Variants in PCDHA6 observed in about 807,000 individuals in gnomAD.
PCDHA6 encodes protocadherin alpha 6, also known as protocadherin alpha-6.
In PCDHA6, 55 loss-of-function variants were observed where a neutral mutation model predicts 60.3. The ratio of observed to expected loss-of-function variants is 0.91; its 90% CI spans 0.73 to 1.14. The LOEUF (loss-of-function observed/expected upper bound fraction) is 1.14. Among genes scored for constraint, PCDHA6 ranks in the 50% most tolerant of loss-of-function variants. The pLI is 0.00. For missense variants in PCDHA6, 1,327 were observed against 1,256.5 expected (o/e 1.06, Z -0.85); for synonymous variants, 652 against 557.9 (o/e 1.17, Z -2.38).
chr5:141,000,887 AAC>A (rs1554257872), intron 3 of PCDHA6, among the ~76,000 whole-genome samples: 4 of 152,188 alleles, frequency 2.6e-5, no homozygotes. Context: ...CAACCTGGGC[AAC>A]AGATATAGAC....
intron 3 of PCDHA6, 128 bp downstream of exon 3, chr5:140,982,691 C>T: frequency 7.1e-7 from 1 of 1,408,152 alleles, no homozygotes; most frequent in Non-Finnish European, 9.3e-7. Context: ...TTTTTCCATA[C>T]ATACATGATT....
At chr5:140,850,197 C>T (rs2150472731) in intron 1 of PCDHA6, 3 of 1,593,590 alleles carry the variant, frequency 1.9e-6, no homozygotes, top group Admixed American at 1.7e-5. Flanking sequence ...GCTGCTGACA[C>T]CTCGGATGAG....
Position 140,842,281 on chromosome 5 carries a change from T to G in PCDHA6, c.2394+11796T>G, listed in dbSNP as rs1777847899. On this transcript the variant is annotated intron_variant, in intron 1 of 3. Coordinates refer to ENST00000529310, the MANE Select transcript of PCDHA6 (RefSeq NM_018909.4). Reference sequence around the variant, plus strand: ...AAGAAAACTTATACAAAATCCTCATTGACGCCACGGACAAAGGCCATCCTC... The same window carrying G: ...AAGAAAACTTATACAAAATCCTCATGGACGCCACGGACAAAGGCCATCCTC... 3 of 1,610,824 alleles carry G rather than the reference T, an allele frequency of 1.9e-6. No individual in the cohort carries two copies. The East Asian group carries it at 6.7e-5, about 36-fold the overall frequency.
intron 1 of PCDHA6, chr5:140,865,841 T>C (rs1371165787): frequency 1.3e-5 from 2 of 152,176 alleles, no homozygotes; most frequent in African/African-American, 4.8e-5. Flanking sequence ...CTTTAGTAAG[T>C]CATTTCTCTG....
At chr5:140,970,663 CAAAT>C (rs1216768545) in intron 1 of PCDHA6, among the ~76,000 whole-genome samples, 1 of 152,136 alleles carries the variant, frequency 6.6e-6, no homozygotes, top group Non-Finnish European at 1.5e-5. Flanking sequence ...GTTATCTTTC[CAAAT>C]AACTACTTTG....
At chr5:140,836,309 AC>A (rs2150257365) in intron 1 of PCDHA6, 1 of 1,613,652 alleles carries the variant, frequency 6.2e-7, no homozygotes, top group East Asian at 2.2e-5. Context: ...AGACGGACGC[AC>A]CGCGCCACCG....
chr5:140,871,577 G>A, intron 1 of PCDHA6: 1 of 1,474,316 alleles, frequency 6.8e-7, no homozygotes, highest in Non-Finnish European at 9.0e-7. Flanking sequence ...ATTTTTTAAG[G>A]GAAAGTTTTA....
intron 3 of PCDHA6, among the ~76,000 whole-genome samples, chr5:141,008,228 T>C (rs2098365726): frequency 1.3e-5 from 2 of 152,210 alleles, no homozygotes; most frequent in African/African-American, 4.8e-5. Context: ...GTTAGAAAAT[T>C]ACTGCTCAGG....
At chr5:140,830,666 A>G in intron 1 of PCDHA6, 181 bp downstream of exon 1, 1 of 390,320 alleles carries the variant, frequency 2.6e-6, no homozygotes, top group Non-Finnish European at 4.2e-6. Flanking sequence ...AATTTAAGTG[A>G]AATTAGAAAT....
At chr5:140,890,752 G>A (rs2062783323) in intron 1 of PCDHA6, among the ~76,000 whole-genome samples, 1 of 151,990 alleles carries the variant, frequency 6.6e-6, no homozygotes, top group East Asian at 1.9e-4. Context: ...TTTCTGTCAT[G>A]CTTTAAAAAT....
chr5:140,873,461 T>A (rs2054305243), intron 1 of PCDHA6, among the ~76,000 whole-genome samples: 1 of 152,224 alleles, frequency 6.6e-6, no homozygotes, highest in Admixed American at 6.5e-5. Context: ...GCATTTTAGA[T>A]AATTCAAATT....
rs148181752 is a variant in PCDHA6, at chr5:140,966,860, TTGCTGC to T, written c.2395-12081_2395-12076del. 7,760 of 1,577,476 alleles carry T rather than the reference TTGCTGC, an allele frequency of 4.9e-3. 268 individuals are homozygous for T. The African/African-American group carries it at 0.086, about 18-fold the overall frequency. ...GCTGCTACTGCCTCTCCTGCTGCTG[TTGCTGC>T]TGCTGCTACCTGGCCCTGCGGCCTC... On this transcript the variant is annotated intron_variant, in intron 1 of 3. Coordinates refer to ENST00000529310, the MANE Select transcript of PCDHA6 (RefSeq NM_018909.4).
rs930699906 is a variant in PCDHA6 at position 140,851,715 on chromosome 5, G to A, written c.2394+21230G>A. The A allele has an allele frequency of 9.3e-6, 9 of 963,892 alleles. No individual in the cohort carries two copies. In the East Asian group the frequency reaches 3.4e-4, roughly 37 times the overall value. The allele number at this position is 963,892 out of a possible 1,614,324, so 59.7% of individuals were successfully genotyped here. On this transcript the variant is annotated intron_variant, in intron 1 of 3. Transcript: ENST00000529310. Reference sequence around the variant, plus strand: ...AAAATGATCAGCCATGTGAAGATTCGAAACTTCGAGTTCTTTTGAAATTCA... The same window carrying A: ...AAAATGATCAGCCATGTGAAGATTCAAAACTTCGAGTTCTTTTGAAATTCA...
chr5:140,876,953 T>G (rs1455444799), intron 1 of PCDHA6: 6 of 1,613,306 alleles, frequency 3.7e-6, no homozygotes, highest in African/African-American at 1.3e-5. Flanking sequence ...TCCTACTCGC[T>G]GGTGGAGCGG....
chr5:140,999,265 A>G (rs1554256725), intron 3 of PCDHA6, among the ~76,000 whole-genome samples: 1 of 152,226 alleles, frequency 6.6e-6, no homozygotes, highest in African/African-American at 2.4e-5. Flanking sequence ...GTAAAGGAAT[A>G]CTGCATAGTA....
Position 140,842,921 on chromosome 5 carries a change from C to T in PCDHA6, c.2394+12436C>T. 5 of 1,594,348 alleles carry T rather than the reference C, an allele frequency of 3.1e-6. 1 individual carries two copies. Among genetic ancestry groups the T allele is most frequent in the Non-Finnish European group, 4.3e-6 (5 of 1,165,382 alleles). On this transcript the variant is annotated intron_variant, in intron 1 of 3. Transcript: ENST00000529310. The stretch of plus-strand genomic sequence containing the variant: ...CGAGGAGCTAGAGCTGCTGCAGTTC[C>T]AGGTGAGCGCGCGCGACGCGGGCGT...
chr5:140,853,120 C>T lies in PCDHA6; in HGVS notation c.2394+22635C>T, dbSNP rs1036865431. The T allele has an allele frequency of 1.7e-4, 85 of 494,062 alleles. 4 individuals carry two copies. Among genetic ancestry groups the T allele is most frequent in the Middle Eastern group, 1.0e-3 (1 of 976 alleles). 30.6% of individuals were successfully genotyped at this position (494,062 alleles called of 1,614,324 possible). On this transcript the variant is annotated intron_variant, in intron 1 of 3. Coordinates refer to ENST00000529310, the MANE Select transcript of PCDHA6 (RefSeq NM_018909.4). Reference sequence around the variant, plus strand: ...GGTCTCGATCTCCTGACCTCATGATCCTCCCGCCTCAGCCTCCCAAAATGC... The same window carrying T: ...GGTCTCGATCTCCTGACCTCATGATTCTCCCGCCTCAGCCTCCCAAAATGC...
At position 140,829,667 on chromosome 5, in the gene PCDHA6, G is replaced by C; in HGVS notation, c.1576G>C (p.Glu526Gln). The change falls in exon 1 of 4, where the codon GAG becomes CAG. Residue 526 changes from glutamate (E) to glutamine (Q), a missense_variant. By Grantham distance (29) the Glu-to-Gln change is conservative (BLOSUM62 2). Coordinates refer to ENST00000529310, the MANE Select transcript of PCDHA6 (RefSeq NM_018909.4). Reference sequence around the variant, plus strand: ...GTACGCGCTGCAGCCGCTGGACCACGAGGAGCTAGAGCTGCTGCAGTTTCA... The same window carrying C: ...GTACGCGCTGCAGCCGCTGGACCACCAGGAGCTAGAGCTGCTGCAGTTTCA... ...KVYALQPLDHEELELLQFQVS... is the reference protein window; with the variant it reads ...KVYALQPLDHQELELLQFQVS... 6.2e-7 allele frequency: 1 copy of C among 1,612,886 alleles called. No homozygotes were observed. Among genetic ancestry groups the C allele is most frequent in the Non-Finnish European group, 8.5e-7 (1 of 1,179,834 alleles).
At chr5:140,968,310 G>T (rs2096237719) in intron 1 of PCDHA6, 4 of 1,613,920 alleles carry the variant, frequency 2.5e-6, no homozygotes, top group Non-Finnish European at 3.4e-6. Flanking sequence ...GAGATTCAAG[G>T]GCTGCCAGTC....
Sources: gnomAD v4.1 joint callset for allele counts (sites outside exome capture counted in the v4.1 genomes callset) on GRCh38, gnomAD v4.1.1 for gene constraint, MANE v1.5 for transcripts, NCBI Gene and HGNC (gene_info 2026-07-23, HGNC 2026-07-21) for gene names.